LOC400499: variants seen among roughly 807,000 people sequenced by gnomAD.
the LOC400499 span, among the ~76,000 whole-genome samples, chr16:11,457,435 T>C: frequency 3.2e-3 from 482 of 151,400 alleles, 5 homozygotes; most frequent in African/African-American, 0.011. Context: ...TTACTAAAAA[T>C]ACAAAAAATT....
the LOC400499 span, among the ~76,000 whole-genome samples, chr16:11,381,969 G>C: frequency 4.6e-5 from 7 of 150,834 alleles, no homozygotes; most frequent in South Asian, 1.5e-3. Context: ...TTGAGACGGA[G>C]TCTTGCTCTG....
chr16:11,396,847 T>C, the LOC400499 span, among the ~76,000 whole-genome samples: 2 of 152,148 alleles, frequency 1.3e-5, no homozygotes, highest in Non-Finnish European at 2.9e-5. Context: ...CCTAAGAAGC[T>C]GGGCTCTGGC....
the LOC400499 span, among the ~76,000 whole-genome samples, chr16:11,409,120 G>C: frequency 6.6e-6 from 1 of 151,800 alleles, no homozygotes; most frequent in Non-Finnish European, 1.5e-5. Flanking sequence ...AATTAGCCAG[G>C]CATGGTAGTG....
the LOC400499 span, among the ~76,000 whole-genome samples, chr16:11,494,974 C>T: frequency 6.6e-6 from 1 of 152,112 alleles, no homozygotes; most frequent in Admixed American, 6.5e-5. Flanking sequence ...TTTGGGAGGC[C>T]AAGGCAGGTG....
chr16:11,402,004 G>A, the LOC400499 span: 1 of 399,036 alleles, frequency 2.5e-6, no homozygotes, highest in Non-Finnish European at 4.4e-6. Context: ...GTTCAGCTCT[G>A]CCCCAGGGTC....
At chr16:11,523,731 C>T in the LOC400499 span, 11 of 335,656 alleles carry the variant, frequency 3.3e-5, no homozygotes, top group Admixed American at 1.9e-4. Context: ...GCCAATCATT[C>T]GTGCTTCCAC....
the LOC400499 span, among the ~76,000 whole-genome samples, chr16:11,452,588 G>A: frequency 6.6e-6 from 1 of 152,228 alleles, no homozygotes. Context: ...TCCGGAGCTG[G>A]AAGGACAACT....
At chr16:11,437,756 C>G in the LOC400499 span, among the ~76,000 whole-genome samples, 13 of 152,148 alleles carry the variant, frequency 8.5e-5, no homozygotes, top group Admixed American at 8.5e-4. Context: ...GTAATCCCAG[C>G]TACTTGGGAG....
the LOC400499 span, among the ~76,000 whole-genome samples, chr16:11,513,815 C>T: frequency 6.6e-6 from 1 of 152,120 alleles, no homozygotes; most frequent in Non-Finnish European, 1.5e-5. Context: ...ACATAAAGTG[C>T]TCAGCACAGC....
chr16:11,460,560 C>G, the LOC400499 span: 1 of 1,535,516 alleles, frequency 6.5e-7, no homozygotes, highest in Non-Finnish European at 8.7e-7. Context: ...CCACTGTCTG[C>G]CCGCAGCTTC....
At chr16:11,519,261 C>G in the LOC400499 span, among the ~76,000 whole-genome samples, 1 of 152,128 alleles carries the variant, frequency 6.6e-6, no homozygotes. Context: ...CTATATAGCA[C>G]CAACAAGAAT....
chr16:11,392,749 T>C, the LOC400499 span: 58 of 983,546 alleles, frequency 5.9e-5, no homozygotes, highest in Non-Finnish European at 7.0e-5. Flanking sequence ...AGGTTTTTTT[T>C]TGAGACACCA....
At chr16:11,390,290 C>A in the LOC400499 span, 4 of 1,232,796 alleles carry the variant, frequency 3.2e-6, no homozygotes, top group East Asian at 3.2e-5. Context: ...AGCTCCAGGG[C>A]TCCTTTCATG....
chr16:11,429,110 A>T, the LOC400499 span, among the ~76,000 whole-genome samples: 7 of 152,204 alleles, frequency 4.6e-5, no homozygotes, highest in African/African-American at 1.7e-4. Flanking sequence ...TGTCCCCAAC[A>T]ACCCTCATGT....
At chr16:11,391,558 T>G in the LOC400499 span, 1 of 984,164 alleles carries the variant, frequency 1.0e-6, no homozygotes. Context: ...CGAGGCCACA[T>G]TTCTGATTGA....
chr16:11,442,204 G>C, the LOC400499 span: 1 of 152,134 alleles, frequency 6.6e-6, no homozygotes, highest in Non-Finnish European at 1.5e-5. Context: ...TCATTAAACA[G>C]CTTATTTTAT....
At chr16:11,505,470 T>TTTTTTTTTTTTTTTTTTTC in the LOC400499 span, among the ~76,000 whole-genome samples, 1 of 112,592 alleles carries the variant, frequency 8.9e-6, no homozygotes. Flanking sequence ...TTTTTTTTTT[T>TTTTTTTTTTTTTTTTTTTC]TGGAGAAGAG....
the LOC400499 span, chr16:11,508,647 G>A: frequency 2.5e-6 from 1 of 398,366 alleles, no homozygotes; most frequent in African/African-American, 2.1e-5. Flanking sequence ...ATATGGGCAG[G>A]AAGAGGAAGG....
the LOC400499 span, chr16:11,383,497 G>T: frequency 2.2e-6 from 2 of 918,628 alleles, no homozygotes; most frequent in Non-Finnish European, 2.8e-6. Flanking sequence ...CATCCAAACA[G>T]GCAGTCTTAA....
Sources: allele counts gnomAD v4.1 joint callset (sites outside exome capture counted in the v4.1 genomes callset), GRCh38; gene constraint gnomAD v4.1.1; transcripts MANE v1.5.